XPR1: variants seen among roughly 807,000 people sequenced by gnomAD.
XPR1 encodes the protein solute carrier family 53 member 1.
XPR1 carries 28 observed loss-of-function variants against 87.5 expected under a neutral mutation model. The observed-to-expected ratio is 0.32, with a 90% CI of 0.24 to 0.44. The LOEUF (loss-of-function observed/expected upper bound fraction) is 0.44. Ranked by LOEUF, XPR1 falls within the 20% of genes least tolerant of loss-of-function variation. XPR1 has a pLI of 1.00. For synonymous variants in XPR1, 300 were observed against 306.1 expected (o/e 0.98, Z 0.21); for missense variants, 559 against 862.3 (o/e 0.65, Z 4.41).
At chr1:180,713,423 G>A (rs1318381862) in intron 2 of XPR1, among the ~76,000 whole-genome samples, 1 of 152,242 alleles carries the variant, frequency 6.6e-6, no homozygotes, top group East Asian at 1.9e-4. Flanking sequence ...TAGACCAAGT[G>A]TCATCTGCCA....
At chr1:180,687,231 T>C (rs1446347793) in intron 2 of XPR1, among the ~76,000 whole-genome samples, 1 of 152,164 alleles carries the variant, frequency 6.6e-6, no homozygotes, top group Non-Finnish European at 1.5e-5. Context: ...ATGATGATAT[T>C]TATTCATCCC....
intron 3 of XPR1, among the ~76,000 whole-genome samples, chr1:180,793,019 T>G (rs1331492313): frequency 6.6e-6 from 1 of 152,152 alleles, no homozygotes; most frequent in Non-Finnish European, 1.5e-5. Flanking sequence ...TTTGAATAAC[T>G]TCTTTTTTTT....
intron 4 of XPR1, 38 bp downstream of exon 4, chr1:180,803,649 G>A: frequency 1.3e-6 from 2 of 1,542,734 alleles, no homozygotes; most frequent in Non-Finnish European, 1.8e-6. Context: ...GCACCTTTAA[G>A]TAAATGAGAA....
intron 13 of XPR1, among the ~76,000 whole-genome samples, chr1:180,877,471 T>G (rs1652699745): frequency 6.6e-6 from 1 of 152,092 alleles, no homozygotes; most frequent in Non-Finnish European, 1.5e-5. Flanking sequence ...CAACTGGATA[T>G]CCATATGGAA....
intron 2 of XPR1, among the ~76,000 whole-genome samples, chr1:180,740,721 T>C (rs367543687): frequency 9.0e-4 from 137 of 152,348 alleles, no homozygotes; most frequent in African/African-American, 3.1e-3. Context: ...TGGACTGCTA[T>C]GACAGAATGC....
intron 2 of XPR1, among the ~76,000 whole-genome samples, chr1:180,711,195 C>T (rs1657770405): frequency 6.6e-6 from 1 of 151,810 alleles, no homozygotes; most frequent in African/African-American, 2.4e-5. Flanking sequence ...AGACGCTCCT[C>T]ACTTCCCAGA....
intron 3 of XPR1, among the ~76,000 whole-genome samples, chr1:180,793,755 A>T (rs939842752): frequency 6.6e-6 from 1 of 152,144 alleles, no homozygotes; most frequent in Non-Finnish European, 1.5e-5. Flanking sequence ...ATTGTCCACA[A>T]TAAATTTTCC....
At chr1:180,685,775 A>T (rs1342628237) in intron 2 of XPR1, among the ~76,000 whole-genome samples, 2 of 152,180 alleles carry the variant, frequency 1.3e-5, no homozygotes, top group African/African-American at 4.8e-5. Context: ...TTATGTGCGT[A>T]GAGGTGTTTA....
At chr1:180,637,981 G>A (rs1467693222) in intron 1 of XPR1, among the ~76,000 whole-genome samples, 2 of 152,096 alleles carry the variant, frequency 1.3e-5, no homozygotes, top group Admixed American at 6.6e-5. Flanking sequence ...CATTAATTAA[G>A]TTTCAAAATC....
intron 3 of XPR1, among the ~76,000 whole-genome samples, chr1:180,794,864 T>G (rs1402240889): frequency 2.6e-5 from 4 of 152,106 alleles, no homozygotes; most frequent in Admixed American, 2.6e-4. Context: ...AAGGAGTGAG[T>G]TGCTGGTTAG....
At chr1:180,712,941 CTT>C (rs60236840) in intron 2 of XPR1, among the ~76,000 whole-genome samples, 2,507 of 130,164 alleles carry the variant, frequency 0.019, 35 homozygotes, top group African/African-American at 0.047. Flanking sequence ...CAGCTTTGTT[CTT>C]TTTTTTTTTT....
intron 7 of XPR1, among the ~76,000 whole-genome samples, chr1:180,823,802 C>A (rs12064913): frequency 6.6e-6 from 1 of 151,952 alleles, no homozygotes. Context: ...AAATGACAAC[C>A]TCTCTGTGCT....
At position 180,834,553 on chromosome 1, in the gene XPR1, CAG is replaced by C. The variant is rs534962566; in HGVS notation, c.1135-320_1135-319del. On this transcript the variant is annotated intron_variant, in intron 9 of 14. Transcript: ENST00000367590. The stretch of plus-strand genomic sequence containing the variant: ...ACGTGTATATTTTTAGATGAAAAAT[CAG>C]GGGGTAGTGGCATCTCCCTGATCCC... Among the ~76,000 whole-genome samples the C allele has an allele frequency of 3.8e-3, 581 of 152,238 alleles. 15 individuals carry two copies. Among genetic ancestry groups the C allele is most frequent in the Admixed American group, 0.036 (547 of 15,290 alleles).
intron 1 of XPR1, among the ~76,000 whole-genome samples, chr1:180,655,497 C>T (rs1276026702): frequency 6.6e-6 from 1 of 151,110 alleles, no homozygotes; most frequent in Non-Finnish European, 1.5e-5. Context: ...GCCTCCTGGA[C>T]TCAGCCTATC....
intron 1 of XPR1, among the ~76,000 whole-genome samples, chr1:180,671,440 C>T (rs764494372): frequency 2.0e-5 from 3 of 152,120 alleles, no homozygotes; most frequent in Admixed American, 6.6e-5. Flanking sequence ...AGAAAGAAAA[C>T]GTAATAATGT....
chr1:180,887,402 G>A lies in XPR1; in HGVS notation c.*3336G>A, dbSNP rs1432644645. The A allele has an allele frequency of 6.6e-6, 1 of 152,196 alleles. No individual in the cohort carries two copies. The highest frequency in any genetic ancestry group is 6.5e-5 in the Admixed American group (1 of 15,286). The allele number at this position is 152,196 out of a possible 1,614,324, so 9.4% of individuals were successfully genotyped here. ...GGTAGTATAGAAAGCATTGATGTGT[G>A]TAGAGAAATTAAAAGACAAGAGTGG... On this transcript the variant is annotated 3_prime_UTR_variant, in exon 15 of 15. Coordinates refer to ENST00000367590, the MANE Select transcript of XPR1 (RefSeq NM_004736.4).
chr1:180,810,781 ATATATATGTGTATATATG>A (rs1478191363), intron 6 of XPR1, among the ~76,000 whole-genome samples: 9 of 151,716 alleles, frequency 5.9e-5, no homozygotes, highest in South Asian at 4.2e-4. Flanking sequence ...TCATATGTAT[ATATATATGTGTATATATG>A]TATATATGTG....
At chr1:180,665,131 T>C (rs1174350650) in intron 1 of XPR1, among the ~76,000 whole-genome samples, 3 of 152,168 alleles carry the variant, frequency 2.0e-5, no homozygotes, top group Non-Finnish European at 1.5e-5. Flanking sequence ...CTTACAATTG[T>C]GGTGGAAGAC....
chr1:180,714,822 G>A (rs1657932976), intron 2 of XPR1, among the ~76,000 whole-genome samples: 2 of 150,322 alleles, frequency 1.3e-5, no homozygotes, highest in Non-Finnish European at 1.5e-5. Context: ...TTTCTGTTGC[G>A]ACCCTTTTCT....
Sources: gnomAD v4.1 joint callset for allele counts (sites outside exome capture counted in the v4.1 genomes callset) on GRCh38, gnomAD v4.1.1 for gene constraint, MANE v1.5 for transcripts, NCBI Gene and HGNC (gene_info 2026-07-23, HGNC 2026-07-21) for gene names.